SEPTIN14: variants seen among roughly 807,000 people sequenced by gnomAD.
The protein encoded by SEPTIN14 is septin 14, also known as septin-14.
In SEPTIN14, 40 loss-of-function variants were observed where a neutral mutation model predicts 53.6. The ratio of observed to expected loss-of-function variants is 0.75; its 90% confidence interval spans 0.58 to 0.97. SEPTIN14 has a LOEUF of 0.97. Among genes scored for constraint, SEPTIN14 ranks in the 50% least tolerant of loss-of-function variants. The pLI, the probability that SEPTIN14 is intolerant of heterozygous loss-of-function variation, is 0.00. For synonymous variants in SEPTIN14, 138 were observed against 166.8 expected (o/e 0.83, Z 1.33); for missense variants, 471 against 508.2 (o/e 0.93, Z 0.70).
At chr7:55,807,392 T>C (rs1584252491) in intron 7 of SEPTIN14, 134 bp from the exon 8 acceptor site, 1 of 579,992 alleles carries the variant, frequency 1.7e-6, no homozygotes. Flanking sequence ...TTAATAGCTA[T>C]AATTCTTTTA....
intron 3 of SEPTIN14, among the ~76,000 whole-genome samples, 167 bp downstream of exon 3, chr7:55,846,350 C>T (rs566810382): frequency 3.3e-5 from 5 of 151,418 alleles, no homozygotes; most frequent in African/African-American, 1.2e-4. Flanking sequence ...AAAGTGAGAA[C>T]CTGTCTCAAA....
intron 5 of SEPTIN14, among the ~76,000 whole-genome samples, chr7:55,842,221 G>T (rs1009222178): frequency 2.6e-5 from 4 of 151,842 alleles, no homozygotes; most frequent in Non-Finnish European, 5.9e-5. Context: ...TAAGATGTTT[G>T]CATAATGATG....
intron 2 of SEPTIN14, among the ~76,000 whole-genome samples, chr7:55,851,205 G>A (rs957320536): frequency 5.9e-5 from 9 of 152,092 alleles, no homozygotes; most frequent in Non-Finnish European, 1.3e-4. Context: ...TGCACAATTT[G>A]ATAAATTTTA....
intron 9 of SEPTIN14, chr7:55,797,897 C>T: frequency 6.5e-6 from 1 of 153,376 alleles, no homozygotes. Flanking sequence ...AACTGCATCT[C>T]AAACAACAAC....
chr7:55,818,472 C>CAAAAAAAAAAAAAA (rs61089405), intron 7 of SEPTIN14, among the ~76,000 whole-genome samples: 1 of 86,302 alleles, frequency 1.2e-5, no homozygotes. Flanking sequence ...AACTCTGTCT[C>CAAAAAAAAAAAAAA]AAAAAAAAAA....
At chr7:55,819,457 CG>C (rs1788855754) in intron 6 of SEPTIN14, among the ~76,000 whole-genome samples, 1 of 151,944 alleles carries the variant, frequency 6.6e-6, no homozygotes, top group East Asian at 1.9e-4. Flanking sequence ...GGCATGGTGG[CG>C]GGCGCCTGTA....
intron 9 of SEPTIN14, among the ~76,000 whole-genome samples, chr7:55,797,701 G>A (rs1168519353): frequency 6.6e-6 from 1 of 152,218 alleles, no homozygotes; most frequent in African/African-American, 2.4e-5. Context: ...GGGCATGGTG[G>A]CTCATGCCTG....
chr7:55,804,028 C>T (rs1404267710), intron 9 of SEPTIN14, among the ~76,000 whole-genome samples: 2 of 144,584 alleles, frequency 1.4e-5, no homozygotes, highest in Admixed American at 7.1e-5. Context: ...CCCAGCTACT[C>T]GGGAGGCTGG....
intron 5 of SEPTIN14, among the ~76,000 whole-genome samples, chr7:55,837,851 G>A (rs912280799): frequency 7.9e-5 from 12 of 152,152 alleles, no homozygotes; most frequent in African/African-American, 2.7e-4. Flanking sequence ...CCAGAGTGCC[G>A]GGATTACAGG....
intron 9 of SEPTIN14, chr7:55,798,765 A>C: frequency 5.3e-6 from 1 of 190,236 alleles, no homozygotes; most frequent in Non-Finnish European, 1.1e-5. Flanking sequence ...AGGCAGAAGT[A>C]CCATGACCTG....
chr7:55,812,811 C>T (rs1788724133), intron 7 of SEPTIN14, among the ~76,000 whole-genome samples: 1 of 152,106 alleles, frequency 6.6e-6, no homozygotes, highest in Non-Finnish European at 1.5e-5. Context: ...CCCAGCAGCA[C>T]CATACTAAAC....
chr7:55,819,066 T>A, intron 7 of SEPTIN14, 61 bp downstream of exon 7: 1 of 918,056 alleles, frequency 1.1e-6, no homozygotes, highest in Non-Finnish European at 1.7e-6. Flanking sequence ...ATTTTGAGAC[T>A]ATGAGTGATA....
chr7:55,862,490 A>G (rs1789766908), intron 1 of SEPTIN14, among the ~76,000 whole-genome samples, 198 bp downstream of exon 1: 1 of 152,208 alleles, frequency 6.6e-6, no homozygotes, highest in Non-Finnish European at 1.5e-5. Flanking sequence ...TAAAAAACCT[A>G]AACAAGTTCT....
At chr7:55,849,723 G>A (rs191612997) in intron 2 of SEPTIN14, among the ~76,000 whole-genome samples, 3 of 152,156 alleles carry the variant, frequency 2.0e-5, no homozygotes, top group African/African-American at 7.2e-5. Context: ...TCCAGCCTGG[G>A]CAACAGAGCA....
intron 2 of SEPTIN14, among the ~76,000 whole-genome samples, chr7:55,855,072 T>C (rs1789592589): frequency 6.7e-6 from 1 of 150,098 alleles, no homozygotes; most frequent in African/African-American, 2.4e-5. Context: ...GCAGTGGCAC[T>C]ATCTCGGCTC....
chr7:55,819,923 C>T (rs1394127295), intron 6 of SEPTIN14, among the ~76,000 whole-genome samples: 1 of 152,192 alleles, frequency 6.6e-6, no homozygotes, highest in Admixed American at 6.5e-5. Context: ...ATATTAAAAA[C>T]AACTACAACT....
chr7:55,835,266 G>A (rs1019283131), intron 5 of SEPTIN14, among the ~76,000 whole-genome samples: 1 of 151,748 alleles, frequency 6.6e-6, no homozygotes, highest in South Asian at 2.1e-4. Context: ...GCAGTAGCGC[G>A]ATCTTGGCTC....
At chr7:55,832,806 C>T (rs920164185) in intron 6 of SEPTIN14, among the ~76,000 whole-genome samples, 12 of 152,056 alleles carry the variant, frequency 7.9e-5, no homozygotes, top group Admixed American at 4.6e-4. Context: ...GATGTGATCA[C>T]GCCACTGCAC....
chr7:55,819,166 T>C lies in SEPTIN14; in HGVS notation c.778A>G (p.Met260Val). ...STDEVKVGKRMVRGRHYPWGV... is the reference protein window; with the variant it reads ...STDEVKVGKRVVRGRHYPWGV... ...CAAGGGTAGTGACGGCCTCTGACCA[T>C]CCTTTTTCCAACTTTCACTTCATCT... Residue 260 changes from methionine to valine, a missense_variant, in exon 7 of 10, where the codon ATG becomes GTG. By Grantham distance (21) the Met-to-Val change is conservative. Coordinates refer to ENST00000388975, the MANE Select transcript of SEPTIN14 (RefSeq NM_207366.3). The C allele has an allele frequency of 1.3e-6, 2 of 1,587,144 alleles. No homozygotes were observed. Among genetic ancestry groups the C allele is most frequent in the Non-Finnish European group, 1.7e-6 (2 of 1,165,856 alleles).
Sources: allele counts gnomAD v4.1 joint callset (sites outside exome capture counted in the v4.1 genomes callset), GRCh38; gene constraint gnomAD v4.1.1; transcripts MANE v1.5; gene names NCBI Gene and HGNC (gene_info 2026-07-23, HGNC 2026-07-21).